Variants in CALN1 observed in about 807,000 individuals in gnomAD.
CALN1 encodes calneuron 1.
CALN1 carries 17 observed loss-of-function variants against 30.6 expected under a neutral mutation model. The ratio of observed to expected loss-of-function variants is 0.56; its 90% confidence interval spans 0.38 to 0.83. CALN1 has a LOEUF of 0.83. Ranked by LOEUF, CALN1 falls within the 40% of genes least tolerant of loss-of-function variation. The pLI is 0.00. For missense variants in CALN1, 291 were observed against 354.9 expected (o/e 0.82, Z 1.45); for synonymous variants, 156 against 131.4 (o/e 1.19, Z -1.28).
intron 2 of CALN1, among the ~76,000 whole-genome samples, chr7:72,367,279 G>C (rs1803936312): frequency 6.6e-6 from 1 of 151,978 alleles, no homozygotes; most frequent in Non-Finnish European, 1.5e-5. Context: ...TTGAGGCCAG[G>C]AGTTCGAGAA....
At chr7:72,369,954 A>G (rs1309209615) in intron 2 of CALN1, among the ~76,000 whole-genome samples, 1 of 152,350 alleles carries the variant, frequency 6.6e-6, no homozygotes, top group Middle Eastern at 3.4e-3. Flanking sequence ...TTCTATGAAT[A>G]TATGCTTTTA....
At position 72,011,972 on chromosome 7, in the gene CALN1, G is replaced by C. The variant is rs548848673; in HGVS notation, c.501+11685C>G. Among the ~76,000 whole-genome samples the C allele has an allele frequency of 8.5e-5, 13 of 152,210 alleles. 1 individual carries two copies. The highest frequency in any genetic ancestry group is 2.9e-4 in the African/African-American group (12 of 41,528). On this transcript the variant is annotated intron_variant, in intron 5 of 6. Coordinates refer to ENST00000395275, the MANE Select transcript of CALN1 (RefSeq NM_031468.4). Reference sequence around the variant, plus strand: ...TTCAATGAAAATTCTGCACCTTCCTGGGCGTCTACAGTTCACATCATACCC... The same window carrying C: ...TTCAATGAAAATTCTGCACCTTCCTCGGCGTCTACAGTTCACATCATACCC...
At chr7:72,036,175 C>T (rs1801785958) in intron 4 of CALN1, among the ~76,000 whole-genome samples, 1 of 152,176 alleles carries the variant, frequency 6.6e-6, no homozygotes, top group Non-Finnish European at 1.5e-5. Context: ...CAGCCCACTG[C>T]CTTCTGGCAT....
At chr7:72,082,223 T>C (rs1805193428) in intron 4 of CALN1, among the ~76,000 whole-genome samples, 1 of 152,198 alleles carries the variant, frequency 6.6e-6, no homozygotes, top group Non-Finnish European at 1.5e-5. Flanking sequence ...TGACCTCAGG[T>C]GATCTGCCCA....
At chr7:72,450,041 A>T (rs1808630256), upstream of CALN1, among the ~76,000 whole-genome samples, 1 of 152,122 alleles carries the variant, frequency 6.6e-6, no homozygotes, top group Non-Finnish European at 1.5e-5. Flanking sequence ...TCCCATCTTT[A>T]CAAAAAATTT....
At chr7:71,880,646 C>T (rs993078374) in intron 5 of CALN1, among the ~76,000 whole-genome samples, 1 of 152,188 alleles carries the variant, frequency 6.6e-6, no homozygotes, top group Non-Finnish European at 1.5e-5. Flanking sequence ...CATCTAAGGA[C>T]CATTTCAAAC....
intron 3 of CALN1, among the ~76,000 whole-genome samples, chr7:72,275,624 A>G (rs1035943447): frequency 6.6e-6 from 1 of 152,096 alleles, no homozygotes; most frequent in Non-Finnish European, 1.5e-5. Context: ...CAAACACAGC[A>G]TCTTCACCAG....
intron 5 of CALN1, among the ~76,000 whole-genome samples, chr7:71,992,447 C>G (rs1192102326): frequency 1.3e-5 from 2 of 152,180 alleles, no homozygotes; most frequent in African/African-American, 4.8e-5. Flanking sequence ...GCCTCAAACT[C>G]CTTGGCTTGA....
chr7:72,345,404 A>G (rs1562909408), intron 2 of CALN1, among the ~76,000 whole-genome samples: 1 of 20,894 alleles, frequency 4.8e-5, no homozygotes, highest in East Asian at 1.3e-3. Context: ...GAAGGAAGGA[A>G]AGAAAGAAGA....
chr7:72,272,327 C>A (rs925083900), intron 3 of CALN1, among the ~76,000 whole-genome samples: 1 of 151,926 alleles, frequency 6.6e-6, no homozygotes. Flanking sequence ...TTTGGGAGGT[C>A]GAGGCAGGTG....
chr7:72,478,291 TATAA>T, the CALN1 span, among the ~76,000 whole-genome samples: 1,751 of 147,874 alleles, frequency 0.012, 39 homozygotes, highest in African/African-American at 0.039. Context: ...ATATACTTTA[TATAA>T]ATAGTTATAT....
chr7:72,177,207 T>C (rs2129545801), intron 3 of CALN1, among the ~76,000 whole-genome samples: 1 of 152,282 alleles, frequency 6.6e-6, no homozygotes, highest in South Asian at 2.1e-4. Flanking sequence ...GAACACTGTC[T>C]CCCCTGCTGC....
chr7:72,254,032 T>C (rs1393056856), intron 3 of CALN1, among the ~76,000 whole-genome samples: 1 of 152,132 alleles, frequency 6.6e-6, no homozygotes, highest in Non-Finnish European at 1.5e-5. Context: ...TGAGCAACTG[T>C]GCCCAGCCTC....
At chr7:71,855,861 A>G (rs1336136192) in intron 5 of CALN1, among the ~76,000 whole-genome samples, 6 of 152,168 alleles carry the variant, frequency 3.9e-5, no homozygotes, top group Non-Finnish European at 7.3e-5. Context: ...TGTAGTGGGC[A>G]TTAAGAGTCC....
intron 1 of CALN1, among the ~76,000 whole-genome samples, chr7:72,406,191 G>C (rs889714729): frequency 1.3e-5 from 2 of 152,170 alleles, no homozygotes; most frequent in African/African-American, 4.8e-5. Context: ...AGTCACAGCT[G>C]CCTGCTGGCG....
At chr7:72,386,372 T>A (rs1805209907) in intron 2 of CALN1, among the ~76,000 whole-genome samples, 1 of 152,262 alleles carries the variant, frequency 6.6e-6, no homozygotes, top group East Asian at 1.9e-4. Flanking sequence ...TTAAGTAACT[T>A]TGGAAATGGC....
intron 4 of CALN1, among the ~76,000 whole-genome samples, chr7:72,067,684 A>G (rs955901326): frequency 1.3e-5 from 2 of 152,238 alleles, no homozygotes; most frequent in African/African-American, 4.8e-5. Flanking sequence ...AGTTACAACC[A>G]ATCGCTATGC....
At chr7:71,812,490 G>A (rs964680792) in intron 5 of CALN1, among the ~76,000 whole-genome samples, 1 of 152,110 alleles carries the variant, frequency 6.6e-6, no homozygotes, top group African/African-American at 2.4e-5. Context: ...TATTGAATCC[G>A]AGTCCAGTGG....
intron 4 of CALN1, among the ~76,000 whole-genome samples, chr7:72,034,648 C>T (rs769636944): frequency 3.3e-5 from 5 of 151,686 alleles, no homozygotes; most frequent in Non-Finnish European, 7.4e-5. Flanking sequence ...ATTAGCCAGG[C>T]ATGGTGGTGC....
Sources: gnomAD v4.1 joint callset for allele counts (sites outside exome capture counted in the v4.1 genomes callset) on GRCh38, gnomAD v4.1.1 for gene constraint, MANE v1.5 for transcripts, NCBI Gene and HGNC (gene_info 2026-07-23, HGNC 2026-07-21) for gene names.